The following RASGRP3 variants were observed in gnomAD, a reference collection of about 807,000 sequenced individuals.
The protein encoded by RASGRP3 is RAS guanyl releasing protein 3, also known as ras guanyl-releasing protein 3.
In RASGRP3, 54 loss-of-function variants were observed where a neutral mutation model predicts 82.7. That is an observed-to-expected ratio of 0.65 (90% CI 0.52 to 0.82). The LOEUF is 0.82. Among genes scored for constraint, RASGRP3 ranks in the 40% least tolerant of loss-of-function variants. The probability of loss-of-function intolerance (pLI) is 0.00; values close to 1 mark genes in which losing one functional copy is unlikely to be tolerated. For missense variants in RASGRP3, 861 were observed against 828.9 expected (o/e 1.04, Z -0.48); for synonymous variants, 309 against 300.5 (o/e 1.03, Z -0.29).
intron 13 of RASGRP3, among the ~76,000 whole-genome samples, chr2:33,546,305 C>T (rs1466415951): frequency 6.6e-6 from 1 of 151,832 alleles, no homozygotes; most frequent in Non-Finnish European, 1.5e-5. Context: ...CCCCTGTAGT[C>T]CCAGCTACTC....
At chr2:33,545,804 A>C (rs1674677657) in intron 13 of RASGRP3, among the ~76,000 whole-genome samples, 1 of 151,900 alleles carries the variant, frequency 6.6e-6, no homozygotes, top group Admixed American at 6.6e-5. Flanking sequence ...TATTATTATT[A>C]TTATTATTAC....
At chr2:33,507,464 A>G (rs113957046) in intron 1 of RASGRP3, among the ~76,000 whole-genome samples, 1 of 152,180 alleles carries the variant, frequency 6.6e-6, no homozygotes, top group Admixed American at 6.5e-5. Flanking sequence ...TGGGGATCAT[A>G]GGAAAGGTGG....
intron 11 of RASGRP3, among the ~76,000 whole-genome samples, chr2:33,537,461 C>CG (rs1390424718): frequency 1.3e-5 from 2 of 151,976 alleles, no homozygotes; most frequent in Non-Finnish European, 2.9e-5. Flanking sequence ...CTGGCTCAAG[C>CG]AATTCTCCTG....
intron 11 of RASGRP3, among the ~76,000 whole-genome samples, chr2:33,536,521 C>T (rs1389840031): frequency 6.6e-6 from 1 of 151,842 alleles, no homozygotes; most frequent in Non-Finnish European, 1.5e-5. Flanking sequence ...ACTTGCCTGC[C>T]TTGTGTGCCT....
At chr2:33,529,296 C>T (rs1265642917) in intron 10 of RASGRP3, among the ~76,000 whole-genome samples, 4 of 151,594 alleles carry the variant, frequency 2.6e-5, no homozygotes, top group African/African-American at 4.8e-5. Flanking sequence ...AGATCGAGAC[C>T]ATCCTGGCTA....
In RASGRP3 at chr2:33,542,850, A is replaced by T. The variant is rs189574814; in HGVS notation, c.1279-662A>T. On this transcript the variant is annotated intron_variant, in intron 12 of 17. Transcript: ENST00000403687. ...AGGCATATGCCACCATGCCCAGCTA[A>T]TTTCTTATTTTATTTTATTTTTAGT... Among the ~76,000 whole-genome samples the T allele has an allele frequency of 4.1e-3, 624 of 152,010 alleles. 6 individuals carry two copies. The highest frequency in any genetic ancestry group is 0.015 in the African/African-American group (607 of 41,444).
At chr2:33,551,266 T>G (rs111394128) in intron 14 of RASGRP3, among the ~76,000 whole-genome samples, 93 of 152,050 alleles carry the variant, frequency 6.1e-4, no homozygotes, top group African/African-American at 2.1e-3. Context: ...TGGGCCAAGA[T>G]CATGCCACTG....
At chr2:33,528,377 C>A (rs1672783142) in intron 10 of RASGRP3, among the ~76,000 whole-genome samples, 1 of 152,146 alleles carries the variant, frequency 6.6e-6, no homozygotes, top group Admixed American at 6.5e-5. Context: ...TCTCTGCATC[C>A]TAGAACTTTT....
chr2:33,522,108 A>T lies in RASGRP3; in HGVS notation c.516+6A>T, dbSNP rs1195306184. On this transcript the variant is annotated splice_donor_region_variant and intron_variant, in intron 7 of 17. Transcript: ENST00000403687. ...AATCTTTTAGAAGGATCTCAGTAAG[A>T]AACTTGACATTTATTCTTCCAAGGA... 6.3e-7 allele frequency: 1 copy of T among 1,596,706 alleles called. No individual in the cohort carries two copies. The highest frequency in any genetic ancestry group is 8.5e-7 in the Non-Finnish European group (1 of 1,175,206).
intron 7 of RASGRP3, among the ~76,000 whole-genome samples, chr2:33,523,107 C>T (rs1422791273): frequency 6.6e-6 from 1 of 152,128 alleles, no homozygotes; most frequent in Non-Finnish European, 1.5e-5. Flanking sequence ...TATTTACGTT[C>T]ATTTCCTCGT....
At chr2:33,536,840 C>A (rs988364147) in intron 11 of RASGRP3, among the ~76,000 whole-genome samples, 1 of 152,136 alleles carries the variant, frequency 6.6e-6, no homozygotes, top group Non-Finnish European at 1.5e-5. Context: ...AACATACAGA[C>A]AAGTGGGTGC....
intron 13 of RASGRP3, among the ~76,000 whole-genome samples, chr2:33,547,278 G>GA (rs1225208831): frequency 7.5e-6 from 1 of 133,064 alleles, no homozygotes; most frequent in Non-Finnish European, 1.6e-5. Context: ...TGGAGGAGCA[G>GA]AAAAAATAAC....
intron 13 of RASGRP3, among the ~76,000 whole-genome samples, chr2:33,544,020 TA>T (rs926658256): frequency 5.9e-4 from 89 of 152,126 alleles, no homozygotes; most frequent in Non-Finnish European, 1.1e-3. Flanking sequence ...ATGAAGATTT[TA>T]AAAAAATTTT....
chr2:33,548,798 C>T (rs1675089292), intron 13 of RASGRP3, among the ~76,000 whole-genome samples: 2 of 151,022 alleles, frequency 1.3e-5, no homozygotes, highest in Admixed American at 6.6e-5. Context: ...TCTCTGCCTC[C>T]GTGACTCAGC....
At position 33,562,600 on chromosome 2, in the gene RASGRP3, T is replaced by G. The variant is rs1294567340; in HGVS notation, c.2065-129T>G. 2.9e-6 allele frequency: 3 copies of G among 1,029,578 alleles called. No individual in the cohort carries two copies. In the East Asian group the frequency reaches 7.8e-5, roughly 27 times the overall value. 63.8% of individuals were successfully genotyped at this position (1,029,578 alleles called of 1,614,324 possible). On this transcript the variant is annotated intron_variant, in intron 17 of 17. Coordinates refer to ENST00000403687, the MANE Select transcript of RASGRP3 (RefSeq NM_001139488.2). ...ACATGATCTCCTAATTCCCACTAAATCCTGAGACTACAAGGTACTGATCAT... is the reference window on the plus strand; with the variant it reads ...ACATGATCTCCTAATTCCCACTAAAGCCTGAGACTACAAGGTACTGATCAT...
At chr2:33,470,615 G>T (rs1289552786) in intron 2 of RASGRP3, among the ~76,000 whole-genome samples, 1 of 152,020 alleles carries the variant, frequency 6.6e-6, no homozygotes, top group Non-Finnish European at 1.5e-5. Context: ...TCCTGACCTT[G>T]TGATCCACCC....
intron 1 of RASGRP3, among the ~76,000 whole-genome samples, chr2:33,443,567 C>G (rs1665340602): frequency 6.6e-6 from 1 of 152,016 alleles, no homozygotes; most frequent in African/African-American, 2.4e-5. Context: ...CTACTTACTG[C>G]TCTTACTATT....
At chr2:33,516,727 A>G (rs1671504822) in intron 4 of RASGRP3, 83 bp downstream of exon 4, 2 of 912,240 alleles carry the variant, frequency 2.2e-6, no homozygotes, top group Middle Eastern at 2.8e-4. Context: ...AAGCCAGTAA[A>G]TTAAGATGAA....
chr2:33,480,306 G>A (rs1667778679), intron 1 of RASGRP3, among the ~76,000 whole-genome samples: 1 of 152,188 alleles, frequency 6.6e-6, no homozygotes, highest in Admixed American at 6.5e-5. Context: ...GCCTCCCAAA[G>A]TGCTGGGATT....
Sources: allele counts gnomAD v4.1 joint callset (sites outside exome capture counted in the v4.1 genomes callset), GRCh38; gene constraint gnomAD v4.1.1; transcripts MANE v1.5; gene names NCBI Gene and HGNC (gene_info 2026-07-23, HGNC 2026-07-21).